Variants in TARBP1 observed in about 807,000 individuals in gnomAD.
The protein encoded by TARBP1 is tRNA (guanosine(18)-2'-O)-methyltransferase TARBP1.
In TARBP1, 144 loss-of-function variants were observed where a neutral mutation model predicts 178.6. The observed-to-expected ratio is 0.81, with a 90% CI of 0.70 to 0.93. TARBP1 has a LOEUF of 0.93. Among genes scored for constraint, TARBP1 ranks in the 40% least tolerant of loss-of-function variants. The pLI is 0.00. For synonymous variants in TARBP1, 787 were observed against 781.0 expected (o/e 1.01, Z -0.13); for missense variants, 2,067 against 2,011.7 (o/e 1.03, Z -0.53).
intron 24 of TARBP1, 148 bp from the exon 25 acceptor site, chr1:234,401,410 T>C: frequency 5.1e-6 from 3 of 590,156 alleles, no homozygotes; most frequent in Non-Finnish European, 9.1e-6. Flanking sequence ...TACACACCTC[T>C]CCAAGATCAA....
In TARBP1 at chr1:234,442,337, T is replaced by A. The variant is rs115359777; in HGVS notation, c.2134+4466A>T. Among the ~76,000 whole-genome samples, 1,107 of 152,308 alleles carry A rather than the reference T, an allele frequency of 7.3e-3. 12 individuals are homozygous for A. Among genetic ancestry groups the A allele is most frequent in the African/African-American group, 0.025 (1,036 of 41,570 alleles). ...AAAAAGAAAATATGTGCAAACCACA[T>A]ATCTGACAAAGGACTAACTTGGCAG... On this transcript the variant is annotated intron_variant, in intron 12 of 29. Coordinates refer to ENST00000040877, the MANE Select transcript of TARBP1 (RefSeq NM_005646.4).
At position 234,410,464 on chromosome 1, in the gene TARBP1, G is replaced by C; in HGVS notation, c.3773C>G (p.Thr1258Ser). The change falls in exon 23 of 30, where the codon ACT becomes AGT. Residue 1258 changes from threonine to serine, a missense_variant. Physicochemically the swap from Thr to Ser is moderately conservative, Grantham distance 58. Coordinates refer to ENST00000040877, the MANE Select transcript of TARBP1 (RefSeq NM_005646.4). ...ACTTACCTTTTCTGGAATATTTTGAGTAATAATGTCTAAATGTGATAAAAC... is the reference window on the plus strand; with the variant it reads ...ACTTACCTTTTCTGGAATATTTTGACTAATAATGTCTAAATGTGATAAAAC... ...LAVLSHLDII[T>S]QNIPEKKLIL... 6.7e-7 allele frequency: 1 copy of C among 1,492,510 alleles called. No individual in the cohort carries two copies. The allele number at this position is 1,492,510 out of a possible 1,614,324, so 92.5% of individuals were successfully genotyped here.
chr1:234,409,086 T>C (rs1466369652), intron 23 of TARBP1, among the ~76,000 whole-genome samples: 2 of 152,176 alleles, frequency 1.3e-5, no homozygotes, highest in Admixed American at 6.5e-5. Context: ...CAACGGACTT[T>C]ACGTATCACA....
At chr1:234,468,924 G>A (rs1668741476) in intron 3 of TARBP1, among the ~76,000 whole-genome samples, 1 of 151,636 alleles carries the variant, frequency 6.6e-6, no homozygotes, top group Admixed American at 6.6e-5. Flanking sequence ...CCCCTTGTCT[G>A]TTCCCCTCAT....
At chr1:234,442,496 T>G (rs181674133) in intron 12 of TARBP1, among the ~76,000 whole-genome samples, 21 of 152,264 alleles carry the variant, frequency 1.4e-4, no homozygotes, top group Admixed American at 1.2e-3. Context: ...CTCTGGAGTA[T>G]CTCATGAGTC....
intron 20 of TARBP1, among the ~76,000 whole-genome samples, chr1:234,423,432 G>A (rs1305402579): frequency 2.6e-5 from 4 of 151,694 alleles, no homozygotes; most frequent in African/African-American, 4.9e-5. Flanking sequence ...CTCCAGGAAC[G>A]ACCCCTGTTA....
chr1:234,405,395 G>A (rs557187613), intron 24 of TARBP1: 5 of 152,608 alleles, frequency 3.3e-5, no homozygotes, highest in African/African-American at 1.2e-4. Flanking sequence ...ACCACCGTGG[G>A]GGCTTCACAG....
chr1:234,410,970 G>A (rs534860644), intron 22 of TARBP1, among the ~76,000 whole-genome samples: 3 of 152,150 alleles, frequency 2.0e-5, no homozygotes, highest in Admixed American at 6.5e-5. Flanking sequence ...TACTGGGGAG[G>A]CTGAGGTAGA....
At chr1:234,394,441 T>C (rs1659711232) in intron 26 of TARBP1, among the ~76,000 whole-genome samples, 2 of 152,342 alleles carry the variant, frequency 1.3e-5, no homozygotes, top group South Asian at 4.1e-4. Context: ...TCTCAGGCTC[T>C]TCCTCAACTC....
chr1:234,426,853 T>TC (rs1663831857), intron 19 of TARBP1, among the ~76,000 whole-genome samples: 1 of 152,178 alleles, frequency 6.6e-6, no homozygotes, highest in African/African-American at 2.4e-5. Flanking sequence ...AATCATTACT[T>TC]CAATAAAGAG....
chr1:234,397,867 A>G (rs1572203503), intron 26 of TARBP1, among the ~76,000 whole-genome samples: 1 of 114,500 alleles, frequency 8.7e-6, no homozygotes, highest in African/African-American at 3.4e-5. Context: ...GAGGAGAGGA[A>G]TGTGGGTCCC....
At chr1:234,450,734 CA>C (rs1229239542) in intron 9 of TARBP1, among the ~76,000 whole-genome samples, 168 bp from the exon 10 acceptor site, 1 of 150,832 alleles carries the variant, frequency 6.6e-6, no homozygotes, top group African/African-American at 2.4e-5. Flanking sequence ...ACAGTAAAAA[CA>C]AAAAAACTAT....
In TARBP1 at chr1:234,450,420, A is replaced by G; in HGVS notation, c.1861+8T>C. On this transcript the variant is annotated splice_region_variant and intron_variant, in intron 10 of 29. Transcript: ENST00000040877. ...TATATCAATCCATAAAAATGATTGC[A>G]GACTTACTTTCCCAAGCAGATGACT... 6.4e-7 allele frequency: 1 copy of G among 1,557,850 alleles called. No individual in the cohort carries two copies. Among genetic ancestry groups the G allele is most frequent in the African/African-American group, 1.4e-5 (1 of 71,576 alleles).
intron 1 of TARBP1, among the ~76,000 whole-genome samples, chr1:234,476,574 G>T (rs543655989): frequency 9.2e-5 from 14 of 152,170 alleles, no homozygotes; most frequent in Non-Finnish European, 1.6e-4. Context: ...GGAATTCGTG[G>T]TAAGTATAGA....
intron 3 of TARBP1, among the ~76,000 whole-genome samples, chr1:234,469,108 A>T (rs1668796125): frequency 1.6e-5 from 2 of 127,816 alleles, no homozygotes; most frequent in Admixed American, 8.3e-5. Context: ...AACCGCAACG[A>T]CTTTCGCACC....
chr1:234,391,776 T>C (rs745742089), intron 29 of TARBP1, 31 bp from the exon 30 acceptor site: 6 of 1,595,394 alleles, frequency 3.8e-6, no homozygotes, highest in Non-Finnish European at 5.1e-6. Context: ...AAGATTAGTT[T>C]TCCTGTAACA....
At chr1:234,460,620 C>A (rs1381581025) in intron 6 of TARBP1, among the ~76,000 whole-genome samples, 1 of 152,116 alleles carries the variant, frequency 6.6e-6, no homozygotes, top group East Asian at 1.9e-4. Context: ...AACGGTGCAG[C>A]CGCTGTGGAA....
At chr1:234,436,960 G>T (rs114822330) in intron 13 of TARBP1, among the ~76,000 whole-genome samples, 3,564 of 152,280 alleles carry the variant, frequency 0.023, 57 homozygotes, top group South Asian at 0.062. Flanking sequence ...AGAATCTTGG[G>T]ATTGGGCTCC....
At chr1:234,401,142 G>T (rs1660633247) in intron 25 of TARBP1, 39 bp downstream of exon 25, 11 of 1,529,780 alleles carry the variant, frequency 7.2e-6, no homozygotes, top group African/African-American at 5.5e-5. Context: ...CAGGATTAAA[G>T]ATACAATAGA....
Sources: allele counts gnomAD v4.1 joint callset (sites outside exome capture counted in the v4.1 genomes callset), GRCh38; gene constraint gnomAD v4.1.1; transcripts MANE v1.5; gene names NCBI Gene and HGNC (gene_info 2026-07-23, HGNC 2026-07-21).